The following RASGRF1 variants were observed in gnomAD, a reference collection of about 807,000 sequenced individuals.
The protein encoded by RASGRF1 is ras-specific guanine nucleotide-releasing factor 1.
Under a neutral mutation model 138.7 loss-of-function variants are expected in RASGRF1, and 40 were observed. That is an observed-to-expected ratio of 0.29 (90% confidence interval 0.22 to 0.38). The LOEUF (loss-of-function observed/expected upper bound fraction) is 0.38. Among genes scored for constraint, RASGRF1 ranks in the 10% least tolerant of loss-of-function variants. RASGRF1 has a pLI of 1.00. For missense variants in RASGRF1, 1,108 were observed against 1,650.4 expected, an observed-to-expected ratio of 0.67 and a Z score of 5.69; for synonymous variants, 614 against 663.2, an observed-to-expected ratio of 0.93 and a Z score of 1.14.
chr15:78,971,069 T>C (rs1237358703), intron 26 of RASGRF1, among the ~76,000 whole-genome samples: 1 of 152,166 alleles, frequency 6.6e-6, no homozygotes, highest in Non-Finnish European at 1.5e-5. Context: ...TACACAAGCC[T>C]GTCTCTCTGC....
At chr15:79,049,106 G>A (rs1358489476) in intron 4 of RASGRF1, among the ~76,000 whole-genome samples, 2 of 152,096 alleles carry the variant, frequency 1.3e-5, no homozygotes, top group East Asian at 3.9e-4. Context: ...CGTGTACATG[G>A]CAGTGGGGGT....
intron 13 of RASGRF1, among the ~76,000 whole-genome samples, chr15:79,014,735 G>A (rs2056850616): frequency 6.6e-6 from 1 of 152,032 alleles, no homozygotes. Flanking sequence ...GGCTAACATG[G>A]TGAAACCCTG....
chr15:79,058,340 C>T lies in RASGRF1; in HGVS notation c.525G>A (p.Lys175=). ...EDGEIEIERL[K]AEITSLLKDN... is the part of the protein sequence containing the mutation. ...CCCCCCAGCCCGCAGTCACCTCTGC[C>T]TTCAGCCGCTCGATCTCGATCTCCC... Residue 175 remains lysine (K), a synonymous_variant, in exon 3 of 27, where the codon AAG becomes AAA. Coordinates refer to ENST00000558480, the MANE Select transcript of RASGRF1 (RefSeq NM_001145648.3). 6.2e-7 allele frequency: 1 copy of T among 1,613,296 alleles called. No individual in the cohort carries two copies. The highest frequency in any genetic ancestry group is 8.5e-7 in the Non-Finnish European group (1 of 1,179,996).
intron 15 of RASGRF1, among the ~76,000 whole-genome samples, chr15:79,002,384 G>A (rs1316745664): frequency 6.6e-6 from 1 of 152,186 alleles, no homozygotes; most frequent in Non-Finnish European, 1.5e-5. Flanking sequence ...GCACAGTGAG[G>A]TCTTGGTCAG....
intron 1 of RASGRF1, among the ~76,000 whole-genome samples, chr15:79,077,708 C>T (rs969156234): frequency 6.6e-6 from 1 of 152,118 alleles, no homozygotes; most frequent in Non-Finnish European, 1.5e-5. Context: ...CAGTTGTATC[C>T]GTTTTTCCTC....
chr15:79,017,517 C>A (rs961344777), intron 12 of RASGRF1, among the ~76,000 whole-genome samples: 1 of 152,136 alleles, frequency 6.6e-6, no homozygotes, highest in African/African-American at 2.4e-5. Flanking sequence ...TTAAAATCAC[C>A]TTGCTAGGTG....
At chr15:79,049,876 C>T (rs1051982173) in intron 3 of RASGRF1, among the ~76,000 whole-genome samples, 10 of 152,176 alleles carry the variant, frequency 6.6e-5, no homozygotes, top group South Asian at 2.1e-4. Context: ...CTTCTGCTCT[C>T]GGGGCTGTAG....
At chr15:79,004,807 G>C in intron 14 of RASGRF1, 1 of 985,524 alleles carries the variant, frequency 1.0e-6, no homozygotes, top group Non-Finnish European at 1.2e-6. Flanking sequence ...CATCGAGGCT[G>C]TCTGCTCCAC....
At chr15:79,005,031 G>C (rs1006903340) in intron 14 of RASGRF1, 1 of 985,598 alleles carries the variant, frequency 1.0e-6, no homozygotes, top group Middle Eastern at 5.2e-4. Context: ...GAAGGACACT[G>C]TCTGCTGGGC....
At chr15:79,000,640 AC>A (rs1163223161) in intron 16 of RASGRF1, among the ~76,000 whole-genome samples, 1 of 152,198 alleles carries the variant, frequency 6.6e-6, no homozygotes, top group Non-Finnish European at 1.5e-5. Flanking sequence ...GATAGGAGAA[AC>A]CTACTCTTGA....
intron 1 of RASGRF1, among the ~76,000 whole-genome samples, chr15:79,078,164 C>T (rs111537632): frequency 6.3e-5 from 4 of 63,686 alleles, no homozygotes; most frequent in African/African-American, 9.6e-5. Flanking sequence ...CATGCATGTG[C>T]GTATGTGTGC....
intron 26 of RASGRF1, among the ~76,000 whole-genome samples, chr15:78,963,365 A>G (rs1254440647): frequency 2.0e-5 from 3 of 151,788 alleles, no homozygotes; most frequent in Admixed American, 2.0e-4. Flanking sequence ...GCAGTGGTGC[A>G]ATCTGGGCTC....
In RASGRF1 at chr15:79,032,339, G is replaced by T. The variant is rs1272117754; in HGVS notation, c.959-23C>A. On this transcript the variant is annotated intron_variant, in intron 6 of 26. Coordinates refer to ENST00000558480, the MANE Select transcript of RASGRF1 (RefSeq NM_001145648.3). The surrounding 1 kb of genome is among the most constrained non-coding windows in gnomAD (Gnocchi z 4.5). ...CAGCTGGAAGGACGAGGCAGTCAGC[G>T]GGTGGCTAGGGCAGCTTGGTGGGGA... The T allele has an allele frequency of 2.5e-6, 4 of 1,610,922 alleles. No homozygotes were observed. Among genetic ancestry groups the T allele is most frequent in the Non-Finnish European group, 3.4e-6 (4 of 1,177,830 alleles).
At chr15:79,063,940 T>C (rs1257300591) in intron 2 of RASGRF1, among the ~76,000 whole-genome samples, 3 of 152,186 alleles carry the variant, frequency 2.0e-5, no homozygotes, top group Admixed American at 2.0e-4. Context: ...GGGCACTTAC[T>C]GCTGGAGCAG....
At chr15:78,997,942 A>G (rs1042646675) in intron 19 of RASGRF1, 154 bp downstream of exon 19, 4 of 636,160 alleles carry the variant, frequency 6.3e-6, no homozygotes, top group African/African-American at 3.7e-5. Context: ...CCTGCCCCCA[A>G]GAGCTCACCT....
In RASGRF1 at chr15:78,985,158, T is replaced by C. The variant is rs1188245861; in HGVS notation, c.3263A>G (p.Asn1088Ser). The change falls in exon 23 of 27, where the codon AAC becomes AGC. Residue 1088 changes from asparagine to serine, a missense_variant. By Grantham distance (46) the Asn-to-Ser change is conservative (BLOSUM62 1). Around this residue, in one of 3 missense-constraint regions of RASGRF1, gnomAD observed 686 missense variants for 976.7 expected, o/e 0.70. Coordinates refer to ENST00000558480, the MANE Select transcript of RASGRF1 (RefSeq NM_001145648.3). Reference protein sequence around the residue: ...ASEIIRNEDINARVSAIEKWV... With the variant: ...ASEIIRNEDISARVSAIEKWV... ...CTTCTCGATGGCGCTCACCCTGGCG[T>C]TGATGTCCTCATTGCGGATGATTTC... 1 of 1,613,490 alleles carries C rather than the reference T, an allele frequency of 6.2e-7. No homozygotes were observed. Among genetic ancestry groups the C allele is most frequent in the East Asian group, 2.2e-5 (1 of 44,886 alleles).
Position 78,962,087 on chromosome 15 carries a change from T to A in RASGRF1, c.*57A>T. ...AATCCAGTGAAACCAAACGAATATG[T>A]ACAGTATCATCTAGCACATGTCCCC... On this transcript the variant is annotated 3_prime_UTR_variant, in exon 27 of 27. Transcript: ENST00000558480. 7 of 1,084,680 alleles carry A rather than the reference T, an allele frequency of 6.5e-6. No homozygotes were observed. Among genetic ancestry groups the A allele is most frequent in the Non-Finnish European group, 9.7e-6 (7 of 721,230 alleles). The allele number at this position is 1,084,680 out of a possible 1,614,324, so 67.2% of individuals were successfully genotyped here.
intron 5 of RASGRF1, among the ~76,000 whole-genome samples, chr15:79,045,807 G>A (rs1300549469): frequency 6.6e-6 from 1 of 152,204 alleles, no homozygotes; most frequent in Admixed American, 6.5e-5. Flanking sequence ...CAGGGAAGGT[G>A]GCCCTGGGTC....
At chr15:79,002,225 C>T (rs1382288101) in intron 15 of RASGRF1, among the ~76,000 whole-genome samples, 1 of 152,014 alleles carries the variant, frequency 6.6e-6, no homozygotes, top group Non-Finnish European at 1.5e-5. Flanking sequence ...TCCAGTTTTC[C>T]TCTGCTTTTA....
Sources: allele counts gnomAD v4.1 joint callset (sites outside exome capture counted in the v4.1 genomes callset), GRCh38; gene constraint gnomAD v4.1.1; regional missense constraint gnomAD v4.1.1; non-coding constraint Gnocchi (gnomAD v3.1); transcripts MANE v1.5; gene names NCBI Gene and HGNC (gene_info 2026-07-23, HGNC 2026-07-21).